PLCZ1: variants seen among roughly 807,000 people sequenced by gnomAD.
The protein encoded by PLCZ1 is phospholipase C zeta 1.
Under a neutral mutation model 76.8 loss-of-function variants are expected in PLCZ1, and 64 were observed. That is an observed-to-expected ratio of 0.83 (90% CI 0.68 to 1.03). The LOEUF is 1.03. PLCZ1 is among the 50% of genes least tolerant of loss of function. The pLI, the probability that PLCZ1 is intolerant of heterozygous loss-of-function variation, is 0.00. For missense variants in PLCZ1, 751 were observed against 713.7 expected, an observed-to-expected ratio of 1.05 and a Z score of -0.60; for synonymous variants, 248 against 230.8, an observed-to-expected ratio of 1.07 and a Z score of -0.68.
chr12:18,724,160 T>C (rs1958615023), intron 3 of PLCZ1, among the ~76,000 whole-genome samples: 2 of 152,068 alleles, frequency 1.3e-5, no homozygotes, highest in Non-Finnish European at 2.9e-5. Context: ...AATAGAAGAT[T>C]GGTTTGATTA....
intron 5 of PLCZ1, among the ~76,000 whole-genome samples, chr12:18,716,828 G>A (rs1592242111): frequency 6.6e-6 from 1 of 152,096 alleles, no homozygotes; most frequent in East Asian, 1.9e-4. Flanking sequence ...ATTTGAAGTT[G>A]AATTTTAACT....
chr12:18,674,651 A>G, the PLCZ1 span, among the ~76,000 whole-genome samples: 20 of 152,264 alleles, frequency 1.3e-4, no homozygotes, highest in African/African-American at 4.8e-4. Flanking sequence ...CATGGTCACA[A>G]ATTTTTTGCA....
intron 5 of PLCZ1, among the ~76,000 whole-genome samples, chr12:18,713,318 C>T (rs1373903569): frequency 2.0e-5 from 3 of 152,122 alleles, no homozygotes; most frequent in Admixed American, 1.3e-4. Context: ...CTACTCCCAA[C>T]CCATATAATT....
At chr12:18,705,587 C>T (rs1956495172) in intron 6 of PLCZ1, among the ~76,000 whole-genome samples, 1 of 152,096 alleles carries the variant, frequency 6.6e-6, no homozygotes, top group African/African-American at 2.4e-5. Flanking sequence ...TTATACTGGC[C>T]AGGCTCAGTG....
At chr12:18,673,129 G>A in the PLCZ1 span, among the ~76,000 whole-genome samples, 1 of 152,092 alleles carries the variant, frequency 6.6e-6, no homozygotes, top group Non-Finnish European at 1.5e-5. Flanking sequence ...GTATGAAGAA[G>A]ACAGGCTTAA....
In PLCZ1 at chr12:18,701,564, G is replaced by A. The variant is rs149494381; in HGVS notation, c.954C>T (p.Asp318=). ...TTACCCCTGTTTCCTTGTCTTGATTGTCTCCTAAAACAGATTCCAATACTT... is the reference window on the plus strand; with the variant it reads ...TTACCCCTGTTTCCTTGTCTTGATTATCTCCTAAAACAGATTCCAATACTT... The part of the protein sequence containing the change: ...HERKGSDKRG[D]NQDKETGVKK... Residue 318 remains aspartate (D), a synonymous_variant, in exon 9 of 15, where the codon GAC becomes GAT. Coordinates refer to ENST00000266505, the MANE Select transcript of PLCZ1 (RefSeq NM_033123.4). 19 of 1,613,294 alleles carry A rather than the reference G, an allele frequency of 1.2e-5. No homozygotes were observed. The highest frequency in any genetic ancestry group is 2.7e-5 in the African/African-American group (2 of 74,624).
At chr12:18,716,090 A>G (rs1957954210) in intron 5 of PLCZ1, among the ~76,000 whole-genome samples, 1 of 152,142 alleles carries the variant, frequency 6.6e-6, no homozygotes, top group African/African-American at 2.4e-5. Context: ...GAGAAGAAAC[A>G]ATGTTTATTT....
the PLCZ1 span, among the ~76,000 whole-genome samples, chr12:18,663,978 C>T: frequency 3.3e-5 from 5 of 152,098 alleles, no homozygotes; most frequent in African/African-American, 9.7e-5. Flanking sequence ...ATACAAATGG[C>T]TAGTAAGCAC....
the PLCZ1 span, among the ~76,000 whole-genome samples, chr12:18,665,652 G>A: frequency 1.1e-4 from 17 of 152,074 alleles, no homozygotes; most frequent in African/African-American, 1.4e-4. Flanking sequence ...AATTAGCCTG[G>A]CGGTCTGGAC....
chr12:18,697,142 C>T (rs149848987), intron 10 of PLCZ1, among the ~76,000 whole-genome samples: 12 of 152,196 alleles, frequency 7.9e-5, no homozygotes, highest in African/African-American at 2.6e-4. Flanking sequence ...TTTCTGCAAC[C>T]ATTCCTGCTG....
chr12:18,650,664 ATGTGTGTGTGTGTGTG>A, the PLCZ1 span, among the ~76,000 whole-genome samples: 26 of 35,602 alleles, frequency 7.3e-4, no homozygotes, highest in East Asian at 3.8e-3. Flanking sequence ...TGGAATATAA[ATGTGTGTGTGTGTGTG>A]TGTGTGTGTG....
the PLCZ1 span, among the ~76,000 whole-genome samples, chr12:18,655,657 G>A: frequency 6.6e-6 from 1 of 151,908 alleles, no homozygotes. Flanking sequence ...TGGAAGTCGT[G>A]TTGGCAGTAT....
intron 12 of PLCZ1, chr12:18,693,450 G>A: frequency 6.2e-7 from 1 of 1,605,868 alleles, no homozygotes; most frequent in East Asian, 2.2e-5. Flanking sequence ...GTCATTCTCT[G>A]TGGTCCACCT....
At chr12:18,646,745 C>G in the PLCZ1 span, among the ~76,000 whole-genome samples, 1 of 152,090 alleles carries the variant, frequency 6.6e-6, no homozygotes, top group Non-Finnish European at 1.5e-5. Flanking sequence ...AGACATTTCC[C>G]TGGTAACCAT....
chr12:18,648,345 T>C, the PLCZ1 span: 1 of 228,834 alleles, frequency 4.4e-6, no homozygotes, highest in East Asian at 6.3e-5. Flanking sequence ...ATTGTGTGCC[T>C]ACAGTTAAAA....
the PLCZ1 span, among the ~76,000 whole-genome samples, chr12:18,671,012 C>T: frequency 0.47 from 70,662 of 151,394 alleles, 17,324 homozygotes; most frequent in South Asian, 0.61. Flanking sequence ...ACCCTGTCTC[C>T]ACTAAAATAC....
At chr12:18,658,531 A>T in the PLCZ1 span, among the ~76,000 whole-genome samples, 3 of 152,174 alleles carry the variant, frequency 2.0e-5, no homozygotes, top group African/African-American at 7.2e-5. Context: ...TGAAATATTC[A>T]AAGAGCTAAA....
At chr12:18,693,478 G>A (rs1954454284) in intron 12 of PLCZ1, 1 of 1,608,188 alleles carries the variant, frequency 6.2e-7, no homozygotes, top group Non-Finnish European at 8.5e-7. Context: ...GTAAAACCTT[G>A]TTAGCCAAAG....
At chr12:18,657,035 A>G in the PLCZ1 span, among the ~76,000 whole-genome samples, 87 of 152,056 alleles carry the variant, frequency 5.7e-4, 1 homozygote, top group Admixed American at 3.6e-3. Context: ...ACCACAAAGA[A>G]TTGTGGTTGT....
Sources: gnomAD v4.1 joint callset for allele counts (sites outside exome capture counted in the v4.1 genomes callset) on GRCh38, gnomAD v4.1.1 for gene constraint, MANE v1.5 for transcripts, NCBI Gene and HGNC (gene_info 2026-07-23, HGNC 2026-07-21) for gene names.